The following ICA1L variants were observed in gnomAD, a reference collection of about 807,000 sequenced individuals.
ICA1L encodes islet cell autoantigen 1 like.
In ICA1L, 50 loss-of-function variants were observed where a neutral mutation model predicts 61.3. That is an observed-to-expected ratio of 0.82 (90% CI 0.65 to 1.03). The LOEUF (loss-of-function observed/expected upper bound fraction) is 1.03. ICA1L is among the 50% of genes least tolerant of loss of function. The probability of loss-of-function intolerance (pLI) is 0.00; values close to 1 mark genes in which losing one functional copy is unlikely to be tolerated. For synonymous variants in ICA1L, 161 were observed against 191.3 expected (o/e 0.84, Z 1.31); for missense variants, 508 against 556.7 (o/e 0.91, Z 0.88).
rs56039507 is a variant in ICA1L at position 202,828,263 on chromosome 2, CAAAA to C, written c.162+581_162+584del. On this transcript the variant is annotated intron_variant, in intron 2 of 12. Coordinates refer to ENST00000358299, the MANE Select transcript of ICA1L (RefSeq NM_001288622.3). ...TGGGCAACCAGAGCGAACCTCCATC[CAAAA>C]AAAAAAAAAAAAACAGACTTTTTAA... 8.3e-4 allele frequency among the ~76,000 whole-genome samples: 113 copies of C among 136,418 alleles called. No individual in the cohort carries two copies. The East Asian group carries it at 9.2e-3, about 11-fold the overall frequency. The allele number at this position is 136,418 out of a possible 152,430, so 89.5% of individuals were successfully genotyped here. A position where few individuals can be genotyped will look rare whatever the true frequency, so the allele number is the denominator to read the frequency against.
intron 9 of ICA1L, among the ~76,000 whole-genome samples, chr2:202,797,810 C>G (rs557242755): frequency 6.6e-6 from 1 of 152,342 alleles, no homozygotes; most frequent in East Asian, 1.9e-4. Flanking sequence ...GTATGATCCA[C>G]CATGCCCAGC....
At chr2:202,829,348 TCAAAAA>T (rs749423030) in intron 1 of ICA1L, 2 of 163,880 alleles carry the variant, frequency 1.2e-5, no homozygotes, top group African/African-American at 2.4e-5. Flanking sequence ...AGACTCCGTC[TCAAAAA>T]CAAAAACAAA....
In ICA1L at chr2:202,773,798, G is replaced by C; in HGVS notation, c.*5735C>G. On this transcript the variant is annotated 3_prime_UTR_variant, in exon 13 of 13. Transcript: ENST00000358299. The stretch of plus-strand genomic sequence containing the variant: ...CATACACCGGTATGGTAATAGGCAA[G>C]AGCAGGCTGTAAAAGCAAAGGCTAG... 1 of 1,393,970 alleles carries C rather than the reference G, an allele frequency of 7.2e-7. No individual in the cohort carries two copies. The allele number at this position is 1,393,970 out of a possible 1,614,324, so 86.4% of individuals were successfully genotyped here. A position where few individuals can be genotyped will look rare whatever the true frequency, so the allele number is the denominator to read the frequency against.
At chr2:202,816,049 C>T in intron 6 of ICA1L, 40 bp from the exon 7 acceptor site, 1 of 1,314,890 alleles carries the variant, frequency 7.6e-7, no homozygotes, top group Non-Finnish European at 1.0e-6. Flanking sequence ...TTCTGCTTCC[C>T]CTCCATGATT....
chr2:202,840,463 G>A, intron 1 of ICA1L: 1 of 503,374 alleles, frequency 2.0e-6, no homozygotes, highest in Non-Finnish European at 3.9e-6. Flanking sequence ...CAAAGCTGGA[G>A]CCGAGGCCAT....
chr2:202,861,172 A>T (rs1173110800), intron 1 of ICA1L, among the ~76,000 whole-genome samples: 1 of 152,130 alleles, frequency 6.6e-6, no homozygotes, highest in African/African-American at 2.4e-5. Context: ...GGTTACAGTG[A>T]GCTGAGATTG....
At chr2:202,812,481 G>A (rs943747031) in intron 8 of ICA1L, among the ~76,000 whole-genome samples, 2 of 152,068 alleles carry the variant, frequency 1.3e-5, no homozygotes, top group African/African-American at 4.8e-5. Context: ...GGAGGCTGAG[G>A]CAGGAGAATC....
At chr2:202,846,395 A>C (rs1350242013) in intron 1 of ICA1L, among the ~76,000 whole-genome samples, 2 of 151,600 alleles carry the variant, frequency 1.3e-5, no homozygotes, top group African/African-American at 4.8e-5. Context: ...TTTTTTGTAG[A>C]GATCCTAAGA....
At chr2:202,812,956 A>G (rs929902201) in intron 8 of ICA1L, among the ~76,000 whole-genome samples, 2 of 152,206 alleles carry the variant, frequency 1.3e-5, no homozygotes, top group African/African-American at 2.4e-5. Context: ...CATATAACAT[A>G]TGATTTTAAA....
chr2:202,785,151 G>A (rs7578473), intron 12 of ICA1L, among the ~76,000 whole-genome samples: 69 of 151,414 alleles, frequency 4.6e-4, no homozygotes, highest in African/African-American at 1.4e-3. Context: ...CCCAGGAGGC[G>A]GAGGTTGCAG....
chr2:202,801,176 G>A (rs1458261312), intron 9 of ICA1L, among the ~76,000 whole-genome samples: 9 of 152,162 alleles, frequency 5.9e-5, no homozygotes, highest in Admixed American at 2.0e-4. Context: ...TAGAAATAGA[G>A]TTTGGGGAAT....
At chr2:202,870,391 C>T (rs1687662889) in intron 1 of ICA1L, 1 of 152,220 alleles carries the variant, frequency 6.6e-6, no homozygotes, top group Admixed American at 6.5e-5. Context: ...CTGCCTTCCA[C>T]ATAGCTGTTT....
At chr2:202,848,094 G>A (rs1167541054) in intron 1 of ICA1L, among the ~76,000 whole-genome samples, 1 of 152,050 alleles carries the variant, frequency 6.6e-6, no homozygotes, top group Non-Finnish European at 1.5e-5. Context: ...GGGGAGAAGG[G>A]AGGAGGTGTT....
intron 1 of ICA1L, among the ~76,000 whole-genome samples, chr2:202,859,449 T>C (rs988069283): frequency 2.6e-5 from 4 of 152,230 alleles, no homozygotes; most frequent in African/African-American, 9.6e-5. Flanking sequence ...GTCAGTTTCA[T>C]ATGCACATTT....
At position 202,779,170 on chromosome 2, in the gene ICA1L, G is replaced by C. The variant is rs912622655; in HGVS notation, c.*363C>G. On this transcript the variant is annotated 3_prime_UTR_variant, in exon 13 of 13. Transcript: ENST00000358299. ...TCCACATATAAAATTCTCACAGCCA[G>C]CAAGGCAACTTAAAAGGGTTTCCAA... 1 of 171,632 alleles carries C rather than the reference G, an allele frequency of 5.8e-6. No individual in the cohort carries two copies. The highest frequency in any genetic ancestry group is 1.2e-5 in the Non-Finnish European group (1 of 81,448). 10.6% of individuals were successfully genotyped at this position (171,632 alleles called of 1,614,324 possible). A position where few individuals can be genotyped will look rare whatever the true frequency, so the allele number is the denominator to read the frequency against.
chr2:202,797,162 G>GTGTA (rs1374435872), intron 9 of ICA1L, among the ~76,000 whole-genome samples, 198 bp from the exon 10 acceptor site: 3 of 146,276 alleles, frequency 2.1e-5, no homozygotes, highest in Non-Finnish European at 4.5e-5. Flanking sequence ...GTGTGTGTGT[G>GTGTA]TATATGTATA....
Position 202,773,803 on chromosome 2 carries a change from G to T in ICA1L, c.*5730C>A. The T allele has an allele frequency of 7.2e-7, 1 of 1,395,704 alleles. No individual in the cohort carries two copies. The highest frequency in any genetic ancestry group is 1.0e-6 in the Non-Finnish European group (1 of 983,790). The allele number at this position is 1,395,704 out of a possible 1,614,324, so 86.5% of individuals were successfully genotyped here. A position where few individuals can be genotyped will look rare whatever the true frequency, so the allele number is the denominator to read the frequency against. On this transcript the variant is annotated 3_prime_UTR_variant, in exon 13 of 13. Coordinates refer to ENST00000358299, the MANE Select transcript of ICA1L (RefSeq NM_001288622.3). ...ACCGGTATGGTAATAGGCAAGAGCA[G>T]GCTGTAAAAGCAAAGGCTAGCTGTG...
Position 202,774,316 on chromosome 2 carries a change from C to T in ICA1L, c.*5217G>A, listed in dbSNP as rs1692148969. 4.0e-6 allele frequency: 6 copies of T among 1,491,518 alleles called. No individual in the cohort carries two copies. Among genetic ancestry groups the T allele is most frequent in the Non-Finnish European group, 5.3e-6 (6 of 1,127,348 alleles). 92.4% of individuals were successfully genotyped at this position (1,491,518 alleles called of 1,614,324 possible). A position where few individuals can be genotyped will look rare whatever the true frequency, so the allele number is the denominator to read the frequency against. On this transcript the variant is annotated 3_prime_UTR_variant, in exon 13 of 13. Coordinates refer to ENST00000358299, the MANE Select transcript of ICA1L (RefSeq NM_001288622.3). ...GGGCGACCGCGGACGGCGGCGCGCG[C>T]GTTCCCCGCAGCGCTGAGGCGAGCC...
intron 9 of ICA1L, 150 bp from the exon 10 acceptor site, chr2:202,797,114 T>G: frequency 2.0e-6 from 1 of 492,502 alleles, no homozygotes; most frequent in Non-Finnish European, 3.6e-6. Context: ...TAAATAATCT[T>G]ATATATAAAA....
Sources: allele counts gnomAD v4.1 joint callset (sites outside exome capture counted in the v4.1 genomes callset), GRCh38; gene constraint gnomAD v4.1.1; transcripts MANE v1.5; gene names NCBI Gene and HGNC (gene_info 2026-07-23, HGNC 2026-07-21).